Variants in OR4E2 observed in about 807,000 individuals in gnomAD.
OR4E2 encodes olfactory receptor 4E2.
In OR4E2, 9 loss-of-function variants were observed where a neutral mutation model predicts 11.0. That is an observed-to-expected ratio of 0.82 (90% confidence interval 0.49 to 1.43). The LOEUF is 1.43. OR4E2 is among the 40% of genes most tolerant of loss of function. The pLI is 0.00. For missense variants in OR4E2, 441 were observed against 382.0 expected (o/e 1.15, Z -1.29); for synonymous variants, 159 against 147.3 (o/e 1.08, Z -0.57).
At position 21,665,667 on chromosome 14, in the gene OR4E2, A is replaced by G. The variant is rs1248070506; in HGVS notation, c.585A>G (p.Thr195=). Residue 195 remains threonine, a synonymous_variant, in exon 4 of 4, where the codon ACA becomes ACG. Coordinates refer to ENST00000641524, the MANE Select transcript of OR4E2 (RefSeq NM_001001912.3). ...IKLACTDTYL[T]GILIVTNSGT... ...TGGCCTGCACAGATACATACCTCAC[A>G]GGAATACTGATTGTGACCAATAGTG... The G allele has an allele frequency of 6.2e-7, 1 of 1,614,174 alleles. No homozygotes were observed. Among genetic ancestry groups the G allele is most frequent in the East Asian group, 2.2e-5 (1 of 44,882 alleles).
At chr14:21,663,428 C>G (rs549011968) in intron 3 of OR4E2, among the ~76,000 whole-genome samples, 1 of 151,800 alleles carries the variant, frequency 6.6e-6, no homozygotes. Flanking sequence ...TGCAGTGAGC[C>G]GAGACCATGC....
chr14:21,654,754 G>T (rs1224246815), intron 1 of OR4E2, among the ~76,000 whole-genome samples: 1 of 151,678 alleles, frequency 6.6e-6, no homozygotes, highest in East Asian at 1.9e-4. Context: ...AAATGAGAGA[G>T]AGAGAGAGAG....
intron 3 of OR4E2, among the ~76,000 whole-genome samples, chr14:21,661,657 A>C (rs1167285780): frequency 2.6e-5 from 4 of 152,256 alleles, no homozygotes; most frequent in Non-Finnish European, 1.5e-5. Flanking sequence ...TCTAATGTGC[A>C]GCCACATTGA....
At position 21,665,062 on chromosome 14, in the gene OR4E2, T is replaced by C. The variant is rs374286013; in HGVS notation, c.-8-13T>C. On this transcript the variant is annotated splice_polypyrimidine_tract_variant and intron_variant, in intron 3 of 3. Transcript: ENST00000641524. ...AATAAAACTAAATTAGCTTTCATTT[T>C]TTCCCCCCTAAGCTCATTGAATGGA... 13 of 1,381,572 alleles carry C rather than the reference T, an allele frequency of 9.4e-6. No homozygotes were observed. Among genetic ancestry groups the C allele is most frequent in the Admixed American group, 8.5e-5 (4 of 47,190 alleles). 85.6% of individuals were successfully genotyped at this position (1,381,572 alleles called of 1,614,324 possible). A position where few individuals can be genotyped will look rare whatever the true frequency, so the allele number is the denominator to read the frequency against.
chr14:21,664,708 T>C (rs1035571580), intron 3 of OR4E2, among the ~76,000 whole-genome samples: 2 of 152,174 alleles, frequency 1.3e-5, no homozygotes, highest in African/African-American at 4.8e-5. Flanking sequence ...AGTCAAATTA[T>C]TTAGTTGGGA....
chr14:21,662,218 T>G (rs1880366116), intron 3 of OR4E2, among the ~76,000 whole-genome samples: 1 of 152,144 alleles, frequency 6.6e-6, no homozygotes, highest in Non-Finnish European at 1.5e-5. Context: ...AGGAGTATTC[T>G]TTTTTGGTTA....
At chr14:21,663,162 A>G (rs1012748723) in intron 3 of OR4E2, among the ~76,000 whole-genome samples, 8 of 152,120 alleles carry the variant, frequency 5.3e-5, no homozygotes, top group Non-Finnish European at 1.0e-4. Context: ...TGCAAAGGAT[A>G]AGTCCTGTGT....
At chr14:21,662,679 C>T (rs796290445) in intron 3 of OR4E2, among the ~76,000 whole-genome samples, 3 of 152,094 alleles carry the variant, frequency 2.0e-5, no homozygotes, top group Non-Finnish European at 4.4e-5. Context: ...TATTTTTTCA[C>T]GTTGGTAGGC....
rs1880662754 is a variant in OR4E2, at chr14:21,666,576, T to C, written c.*552T>C. ...TGTACTTTTTTTTTGAGACAGGAAT[T>C]TTTTGTACTATTCCTGCAACTTCCT... On this transcript the variant is annotated 3_prime_UTR_variant, in exon 4 of 4. Coordinates refer to ENST00000641524, the MANE Select transcript of OR4E2 (RefSeq NM_001001912.3). 6.6e-6 allele frequency: 1 copy of C among 152,330 alleles called. No homozygotes were observed. The highest frequency in any genetic ancestry group is 2.1e-4 in the South Asian group (1 of 4,832). 9.4% of individuals were successfully genotyped at this position (152,330 alleles called of 1,614,324 possible). A position where few individuals can be genotyped will look rare whatever the true frequency, so the allele number is the denominator to read the frequency against.
At chr14:21,662,320 G>A (rs893460814) in intron 3 of OR4E2, among the ~76,000 whole-genome samples, 1 of 151,220 alleles carries the variant, frequency 6.6e-6, no homozygotes, top group Admixed American at 6.6e-5. Flanking sequence ...TTTTTCAGAC[G>A]GAGTCTTGCT....
intron 3 of OR4E2, among the ~76,000 whole-genome samples, chr14:21,662,153 T>C (rs1466946588): frequency 6.6e-6 from 1 of 152,172 alleles, no homozygotes; most frequent in Non-Finnish European, 1.5e-5. Context: ...TCTTTGCTCA[T>C]TTTTAATTGA....
intron 3 of OR4E2, among the ~76,000 whole-genome samples, chr14:21,661,283 T>C (rs771750909): frequency 5.9e-5 from 9 of 152,226 alleles, no homozygotes; most frequent in Non-Finnish European, 1.2e-4. Context: ...TATGTATATA[T>C]GTTTGAATAT....
chr14:21,655,841 A>G (rs904506795), intron 1 of OR4E2, among the ~76,000 whole-genome samples: 1 of 152,136 alleles, frequency 6.6e-6, no homozygotes, highest in Non-Finnish European at 1.5e-5. Context: ...AATGGTGCCC[A>G]TGGTAGTTAC....
intron 1 of OR4E2, among the ~76,000 whole-genome samples, chr14:21,655,017 C>T (rs1879863922): frequency 6.6e-6 from 1 of 152,146 alleles, no homozygotes; most frequent in Non-Finnish European, 1.5e-5. Flanking sequence ...TTGAAGTCTA[C>T]TGATATAAAT....
At chr14:21,657,440 TTTCCTTCCTTCCTTCCTTCCTTCC>T (rs555201549) in intron 2 of OR4E2, among the ~76,000 whole-genome samples, 1,561 of 76,342 alleles carry the variant, frequency 0.02, 35 homozygotes, top group African/African-American at 0.054. Context: ...TTCTTCTTTC[TTTCCTTCCTTCCTTCCTTCCTTCC>T]TTCCTTCCTT....
chr14:21,666,290 G>T lies in OR4E2; in HGVS notation c.*266G>T, dbSNP rs1880647411. 5.6e-6 allele frequency: 2 copies of T among 355,492 alleles called. No individual in the cohort carries two copies. The highest frequency in any genetic ancestry group is 1.0e-5 in the Non-Finnish European group (2 of 196,792). The allele number at this position is 355,492 out of a possible 1,614,324, so 22.0% of individuals were successfully genotyped here. On this transcript the variant is annotated 3_prime_UTR_variant, in exon 4 of 4. Coordinates refer to ENST00000641524, the MANE Select transcript of OR4E2 (RefSeq NM_001001912.3). ...TTAAAGACAGCTTTTGATTTCATCA[G>T]TAAAAGAATACAATTTGGGGAACTC...
intron 3 of OR4E2, among the ~76,000 whole-genome samples, chr14:21,661,704 CATT>C (rs1205395840): frequency 1.3e-5 from 2 of 152,126 alleles, no homozygotes; most frequent in African/African-American, 4.8e-5. Context: ...AGATCCAACT[CATT>C]ATTATTATTA....
rs1880640969 is a variant in OR4E2, at chr14:21,666,195, T to A, written c.*171T>A. On this transcript the variant is annotated 3_prime_UTR_variant, in exon 4 of 4. Transcript: ENST00000641524. ...TATTCTGTTCATTAAAGATAAGAAC[T>A]TATTAACTATTATTTAAATAAAGCA... The A allele has an allele frequency of 4.0e-6, 2 of 498,570 alleles. No individual in the cohort carries two copies. The highest frequency in any genetic ancestry group is 3.8e-5 in the Admixed American group (1 of 26,462). 30.9% of individuals were successfully genotyped at this position (498,570 alleles called of 1,614,324 possible).
chr14:21,654,783 C>G (rs1341334108), intron 1 of OR4E2, among the ~76,000 whole-genome samples: 1 of 148,774 alleles, frequency 6.7e-6, no homozygotes, highest in East Asian at 1.9e-4. Context: ...TCAGAGATAG[C>G]TTGATTTATT....
Sources: allele counts gnomAD v4.1 joint callset (sites outside exome capture counted in the v4.1 genomes callset), GRCh38; gene constraint gnomAD v4.1.1; transcripts MANE v1.5; gene names NCBI Gene and HGNC (gene_info 2026-07-23, HGNC 2026-07-21).